Variants in TENM3 observed in about 807,000 individuals in gnomAD.
TENM3 encodes teneurin-3.
A neutral mutation model predicts 255.1 loss-of-function variants in TENM3; 63 were observed. The observed-to-expected ratio is 0.25, with a 90% CI of 0.20 to 0.30. TENM3 has a LOEUF of 0.30. Among genes scored for constraint, TENM3 ranks in the 10% least tolerant of loss-of-function variants. The pLI, the probability that TENM3 is intolerant of heterozygous loss-of-function variation, is 1.00. For synonymous variants in TENM3, 1,306 were observed against 1,322.3 expected (o/e 0.99, Z 0.27); for missense variants, 2,929 against 3,461.1 (o/e 0.85, Z 3.86).
intron 1 of TENM3, among the ~76,000 whole-genome samples, chr4:182,253,927 G>A (rs1014005126): frequency 6.6e-6 from 1 of 151,936 alleles, no homozygotes; most frequent in African/African-American, 2.4e-5. Context: ...TCAAAATAAC[G>A]ATACACTTGA....
the TENM3 span, among the ~76,000 whole-genome samples, chr4:181,687,326 C>T: frequency 5.3e-4 from 80 of 152,174 alleles, no homozygotes; most frequent in African/African-American, 1.8e-3. Context: ...ATGACTAATC[C>T]GTTAGGTATA....
the TENM3 span, among the ~76,000 whole-genome samples, chr4:181,762,200 G>A: frequency 2.3e-3 from 343 of 152,188 alleles, 1 homozygote; most frequent in African/African-American, 7.7e-3. Flanking sequence ...ATTTCTTCTG[G>A]TCTAATGGGT....
chr4:181,725,892 G>A, the TENM3 span, among the ~76,000 whole-genome samples: 1 of 152,062 alleles, frequency 6.6e-6, no homozygotes, highest in African/African-American at 2.4e-5. Context: ...TTTTAGTAAC[G>A]ACACTTTAGG....
chr4:181,935,227 G>A, the TENM3 span, among the ~76,000 whole-genome samples: 1 of 152,186 alleles, frequency 6.6e-6, no homozygotes, highest in Non-Finnish European at 1.5e-5. Flanking sequence ...GTTTTCAAAA[G>A]GCAATAGTAT....
chr4:181,637,851 G>C, the TENM3 span, among the ~76,000 whole-genome samples: 1 of 152,298 alleles, frequency 6.6e-6, no homozygotes, highest in African/African-American at 2.4e-5. Context: ...TACATTCTCA[G>C]AGCCTAGAAC....
chr4:181,739,265 T>C, the TENM3 span, among the ~76,000 whole-genome samples: 2 of 152,142 alleles, frequency 1.3e-5, no homozygotes, highest in African/African-American at 4.8e-5. Flanking sequence ...ATTTCAGCGA[T>C]TTCATAAAGT....
At chr4:182,513,769 C>T (rs756060280) in intron 3 of TENM3, among the ~76,000 whole-genome samples, 5 of 152,126 alleles carry the variant, frequency 3.3e-5, no homozygotes, top group East Asian at 1.9e-4. Flanking sequence ...ATAAATAACT[C>T]GCCCACAAGT....
Position 182,323,975 on chromosome 4 carries a change from TA to T in TENM3, c.-44del. The T allele has an allele frequency of 6.4e-7, 1 of 1,550,460 alleles. No homozygotes were observed. The highest frequency in any genetic ancestry group is 1.1e-5 in the South Asian group (1 of 87,228). On this transcript the variant is annotated 5_prime_UTR_variant, in exon 2 of 28. Coordinates refer to ENST00000511685, the MANE Select transcript of TENM3 (RefSeq NM_001080477.4). ...GCCAATGAGACTTGAACCCTGAGCC[TA>T]AGTTGTCACCAGCAGGACTGATGTG...
the TENM3 span, among the ~76,000 whole-genome samples, chr4:182,000,757 A>T: frequency 1.3e-5 from 2 of 149,994 alleles, no homozygotes; most frequent in African/African-American, 5.1e-5. Flanking sequence ...TTTGGGAAAA[A>T]TGAAGGTTTA....
At chr4:182,448,957 T>G (rs564058067) in intron 3 of TENM3, 12 of 393,648 alleles carry the variant, frequency 3.0e-5, no homozygotes, top group African/African-American at 2.4e-4. Context: ...CAGCCTATCA[T>G]GTCTGGCCGC....
At chr4:182,482,091 A>G (rs1348625679) in intron 3 of TENM3, among the ~76,000 whole-genome samples, 1 of 152,182 alleles carries the variant, frequency 6.6e-6, no homozygotes, top group Non-Finnish European at 1.5e-5. Context: ...ACCTAAAACA[A>G]AAGCCACCAA....
intron 3 of TENM3, among the ~76,000 whole-genome samples, chr4:182,525,454 A>G (rs890188496): frequency 1.3e-5 from 2 of 152,254 alleles, no homozygotes; most frequent in Non-Finnish European, 1.5e-5. Flanking sequence ...TTGCCAAAAC[A>G]TAAAATTCAG....
chr4:182,095,298 C>T, the TENM3 span, among the ~76,000 whole-genome samples: 13 of 152,066 alleles, frequency 8.5e-5, no homozygotes, highest in Non-Finnish European at 7.4e-5. Flanking sequence ...ACAGATGAAC[C>T]GATAAAGACA....
intron 3 of TENM3, among the ~76,000 whole-genome samples, chr4:182,432,849 G>GTGTGTGTGTATGTGT (rs1554066038): frequency 7.0e-6 from 1 of 142,976 alleles, no homozygotes; most frequent in Non-Finnish European, 1.5e-5. Flanking sequence ...AATGGATTTG[G>GTGTGTGTGTATGTGT]GTGTGTGTGT....
chr4:181,465,334 AT>A, the TENM3 span, among the ~76,000 whole-genome samples: 37,257 of 151,436 alleles, frequency 0.25, 5,197 homozygotes, highest in Admixed American at 0.3. Context: ...TAAGATATAT[AT>A]TTTTTTCTCT....
At chr4:181,711,037 G>C in the TENM3 span, among the ~76,000 whole-genome samples, 1 of 151,910 alleles carries the variant, frequency 6.6e-6, no homozygotes, top group Non-Finnish European at 1.5e-5. Context: ...CTCACCATTC[G>C]CACTAGACCT....
Position 182,161,736 on chromosome 4 carries a change from CAA to C in TENM3, c.-76+16984_-76+16985del, listed in dbSNP as rs1191301994. On this transcript the variant is annotated intron_variant, in intron 1 of 2. Coordinates refer to the TENM3 transcript ENST00000512480. ...ATATATATGTGTATATATATATACA[CAA>C]ATATATGTGTATATATATACATATA... Among the ~76,000 whole-genome samples the C allele has an allele frequency of 2.0e-4, 13 of 65,304 alleles. 4 individuals are homozygous for C. Among genetic ancestry groups the C allele is most frequent in the African/African-American group, 6.7e-4 (11 of 16,478 alleles). The allele number at this position is 65,304 out of a possible 152,430, so 42.8% of individuals were successfully genotyped here.
the TENM3 span, among the ~76,000 whole-genome samples, chr4:181,540,909 C>T: frequency 6.7e-6 from 1 of 150,276 alleles, no homozygotes; most frequent in Non-Finnish European, 1.5e-5. Flanking sequence ...TCCCTATTGG[C>T]TCATTAATAG....
chr4:182,796,811 G>A (rs1357388282), intron 27 of TENM3, 44 bp downstream of exon 27: 1 of 1,511,446 alleles, frequency 6.6e-7, no homozygotes, highest in East Asian at 2.3e-5. Flanking sequence ...AGTAGCTTGT[G>A]TCTTATCTAC....
Sources: gnomAD v4.1 joint callset for allele counts (sites outside exome capture counted in the v4.1 genomes callset) on GRCh38, gnomAD v4.1.1 for gene constraint, MANE v1.5 for transcripts, NCBI Gene and HGNC (gene_info 2026-07-23, HGNC 2026-07-21) for gene names.